Variants in OPCML observed in about 807,000 individuals in gnomAD.
OPCML encodes the protein opioid-binding protein/cell adhesion molecule.
In OPCML, 13 loss-of-function variants were observed where a neutral mutation model predicts 37.8. The observed-to-expected ratio is 0.34, with a 90% confidence interval of 0.22 to 0.55. The LOEUF (loss-of-function observed/expected upper bound fraction) is 0.55, where lower values mean the gene tolerates loss of function less well. Ranked by LOEUF, OPCML falls within the 20% of genes least tolerant of loss-of-function variation. The pLI is 0.91. For missense variants in OPCML, 341 were observed against 435.6 expected, an observed-to-expected ratio of 0.78 and a Z score of 1.93; for synonymous variants, 176 against 168.8, an observed-to-expected ratio of 1.04 and a Z score of -0.33.
At chr11:132,533,718 C>G (rs896027131) in intron 3 of OPCML, among the ~76,000 whole-genome samples, 6 of 152,132 alleles carry the variant, frequency 3.9e-5, no homozygotes, top group African/African-American at 1.2e-4. Context: ...TTACCTGTAC[C>G]TTTATTTGTA....
intron 1 of OPCML, among the ~76,000 whole-genome samples, chr11:133,158,947 A>G (rs937474825): frequency 4.6e-5 from 7 of 152,072 alleles, no homozygotes; most frequent in African/African-American, 1.7e-4. Context: ...CAGGCAAAAC[A>G]GTGACACCGA....
chr11:132,478,842 G>C (rs2096166891), intron 4 of OPCML, among the ~76,000 whole-genome samples: 1 of 152,104 alleles, frequency 6.6e-6, no homozygotes, highest in African/African-American at 2.4e-5. Flanking sequence ...CAGTGAAGAA[G>C]CAAAACGTAT....
At chr11:132,587,348 C>T (rs2096475153) in intron 3 of OPCML, among the ~76,000 whole-genome samples, 1 of 152,354 alleles carries the variant, frequency 6.6e-6, no homozygotes, top group South Asian at 2.1e-4. Flanking sequence ...GTAGTCAGAG[C>T]TGTCCTTCAT....
rs1489151524 is a variant in OPCML, at chr11:132,418,835, G to A, written c.*1358C>T. ...ATAGGTTCCTGACATGTACTTTCTT[G>A]AAGGGTTGAGAGAAGCATAAAGGCT... On this transcript the variant is annotated 3_prime_UTR_variant, in exon 8 of 8. Coordinates refer to ENST00000524381, the MANE Select transcript of OPCML (RefSeq NM_001012393.5). 6.6e-6 allele frequency: 1 copy of A among 152,634 alleles called. No homozygotes were observed. Among genetic ancestry groups the A allele is most frequent in the Non-Finnish European group, 1.5e-5 (1 of 68,050 alleles). 9.5% of individuals were successfully genotyped at this position (152,634 alleles called of 1,614,324 possible).
chr11:132,994,446 C>G (rs1285144714), intron 1 of OPCML, among the ~76,000 whole-genome samples: 2 of 152,146 alleles, frequency 1.3e-5, no homozygotes, highest in Non-Finnish European at 2.9e-5. Context: ...GCTGGGGGCT[C>G]GCCGTGCAGG....
chr11:133,317,052 G>T (rs1219056800), intron 1 of OPCML, among the ~76,000 whole-genome samples: 2 of 152,160 alleles, frequency 1.3e-5, no homozygotes, highest in East Asian at 1.9e-4. Flanking sequence ...ACAAAAATTA[G>T]CTGGGCGTGG....
At chr11:132,502,739 AG>A (rs1426648679) in intron 4 of OPCML, among the ~76,000 whole-genome samples, 1 of 152,214 alleles carries the variant, frequency 6.6e-6, no homozygotes, top group Non-Finnish European at 1.5e-5. Context: ...GGAGATGAGA[AG>A]GGGTAATTAA....
At chr11:133,371,123 C>G (rs960608102) in intron 1 of OPCML, among the ~76,000 whole-genome samples, 2 of 152,104 alleles carry the variant, frequency 1.3e-5, no homozygotes, top group African/African-American at 4.8e-5. Context: ...AAGATATTAC[C>G]ATTAGAATGG....
rs148804277 is a variant in OPCML at position 132,712,661 on chromosome 11, C to G, written c.147-55342G>C. 6.0e-4 allele frequency among the ~76,000 whole-genome samples: 92 copies of G among 152,336 alleles called. No homozygotes were observed. In the East Asian group the frequency reaches 0.017, roughly 29 times the overall value. On this transcript the variant is annotated intron_variant, in intron 2 of 7. Transcript: ENST00000524381. ...AGGTTCATCACGTTTCATTCGCTGA[C>G]AAGCGTGGCCTTCCAATTCATCTCT...
At chr11:132,970,907 C>T (rs1946327808) in intron 1 of OPCML, among the ~76,000 whole-genome samples, 1 of 152,138 alleles carries the variant, frequency 6.6e-6, no homozygotes, top group Non-Finnish European at 1.5e-5. Context: ...AAATTCCCTA[C>T]CTTATGTTCT....
chr11:132,608,654 A>C (rs1339539942), intron 3 of OPCML, among the ~76,000 whole-genome samples: 1 of 152,210 alleles, frequency 6.6e-6, no homozygotes, highest in East Asian at 1.9e-4. Context: ...TGTAGCAGGA[A>C]TAATCAATGG....
intron 3 of OPCML, among the ~76,000 whole-genome samples, chr11:132,624,729 C>A (rs1939638441): frequency 6.6e-6 from 1 of 152,146 alleles, no homozygotes; most frequent in Non-Finnish European, 1.5e-5. Context: ...TCCTTATCTT[C>A]CGGGAGGCAC....
chr11:132,491,826 G>T (rs1198754634), intron 4 of OPCML, among the ~76,000 whole-genome samples: 1 of 152,134 alleles, frequency 6.6e-6, no homozygotes, highest in African/African-American at 2.4e-5. Context: ...CATATGCTGG[G>T]ACAGTAGGTG....
intron 3 of OPCML, among the ~76,000 whole-genome samples, chr11:132,587,246 C>T (rs1591590817): frequency 6.6e-6 from 1 of 152,224 alleles, no homozygotes; most frequent in African/African-American, 2.4e-5. Flanking sequence ...ACATCTCCAA[C>T]AGAGAACTAT....
intron 1 of OPCML, among the ~76,000 whole-genome samples, chr11:133,061,938 A>C (rs2136990461): frequency 6.6e-6 from 1 of 152,244 alleles, no homozygotes; most frequent in East Asian, 1.9e-4. Flanking sequence ...AATTTCATGG[A>C]AACTTTTGAG....
intron 1 of OPCML, among the ~76,000 whole-genome samples, chr11:133,115,382 G>A (rs1264596276): frequency 6.6e-6 from 1 of 152,170 alleles, no homozygotes; most frequent in Non-Finnish European, 1.5e-5. Context: ...ATGGAGGTGA[G>A]GCAGATGAGA....
At chr11:133,140,763 C>CGACGAAGAAGACGACGACGAT (rs138549636) in intron 1 of OPCML, among the ~76,000 whole-genome samples, 5 of 48,878 alleles carry the variant, frequency 1.0e-4, no homozygotes, top group Admixed American at 3.3e-4. Flanking sequence ...AAGAAGACGA[C>CGACGAAGAAGACGACGACGAT]GAAGAAGAAG....
At chr11:132,677,395 C>T (rs1319876600) in intron 2 of OPCML, among the ~76,000 whole-genome samples, 4 of 152,074 alleles carry the variant, frequency 2.6e-5, no homozygotes, top group South Asian at 2.1e-4. Flanking sequence ...TTGTGGATAT[C>T]GAGACACTGA....
At chr11:132,646,089 G>A (rs1007464417) in intron 3 of OPCML, among the ~76,000 whole-genome samples, 11 of 152,046 alleles carry the variant, frequency 7.2e-5, no homozygotes, top group Admixed American at 1.3e-4. Flanking sequence ...AAGGGTGGGA[G>A]GGGGGTGAGG....
Sources: gnomAD v4.1 joint callset for allele counts (sites outside exome capture counted in the v4.1 genomes callset) on GRCh38, gnomAD v4.1.1 for gene constraint, MANE v1.5 for transcripts, NCBI Gene and HGNC (gene_info 2026-07-23, HGNC 2026-07-21) for gene names.